Variants in DPF3 observed in about 807,000 individuals in gnomAD.
DPF3 encodes double PHD fingers 3, also known as zinc finger protein DPF3.
Under a neutral mutation model 56.8 loss-of-function variants are expected in DPF3, and 18 were observed. The ratio of observed to expected loss-of-function variants is 0.32; its 90% CI spans 0.22 to 0.47. The LOEUF is 0.47. DPF3 is among the 20% of genes least tolerant of loss of function. The pLI is 1.00. For missense variants in DPF3, 403 were observed against 488.8 expected (o/e 0.82, Z 1.65); for synonymous variants, 188 against 180.2 (o/e 1.04, Z -0.35).
intron 1 of DPF3, among the ~76,000 whole-genome samples, chr14:72,884,242 C>T (rs886844877): frequency 2.0e-5 from 3 of 152,202 alleles, no homozygotes; most frequent in Admixed American, 6.5e-5. Flanking sequence ...TTATTTCAAA[C>T]CCAGACAATA....
chr14:72,772,818 C>T (rs1412640524), intron 1 of DPF3, among the ~76,000 whole-genome samples: 2 of 152,202 alleles, frequency 1.3e-5, no homozygotes, highest in East Asian at 1.9e-4. Context: ...TTAATAAATG[C>T]CTCAAAGAAA....
intron 3 of DPF3, among the ~76,000 whole-genome samples, chr14:72,747,641 A>C (rs1890380786): frequency 6.6e-6 from 1 of 151,840 alleles, no homozygotes; most frequent in African/African-American, 2.4e-5. Flanking sequence ...AAAAAAAAAA[A>C]ATAGCTAGGT....
chr14:72,749,999 C>T (rs1890500387), intron 3 of DPF3, among the ~76,000 whole-genome samples: 1 of 152,108 alleles, frequency 6.6e-6, no homozygotes, highest in Non-Finnish European at 1.5e-5. Flanking sequence ...GGTACATGAG[C>T]CAACTTTCCT....
At chr14:72,729,637 C>A (rs1889552683) in intron 4 of DPF3, among the ~76,000 whole-genome samples, 1 of 152,096 alleles carries the variant, frequency 6.6e-6, no homozygotes, top group Non-Finnish European at 1.5e-5. Context: ...CATGAAGGAA[C>A]CTTAAATGAA....
chr14:72,640,143 A>T (rs2153567745), intron 8 of DPF3, among the ~76,000 whole-genome samples: 1 of 151,530 alleles, frequency 6.6e-6, no homozygotes, highest in Middle Eastern at 3.4e-3. Context: ...CCACTCAGGC[A>T]AAGCAGAGTA....
chr14:72,671,478 T>A (rs750856715), intron 8 of DPF3: 7 of 1,221,976 alleles, frequency 5.7e-6, no homozygotes, highest in Admixed American at 1.7e-5. Flanking sequence ...ACCCGGTGCA[T>A]CACCTGGTGA....
At chr14:72,741,949 G>A (rs554785250) in intron 3 of DPF3, among the ~76,000 whole-genome samples, 3 of 152,180 alleles carry the variant, frequency 2.0e-5, no homozygotes, top group Admixed American at 2.0e-4. Context: ...CCACCTCCTC[G>A]GCCAGCCCAA....
At chr14:72,773,784 G>A in intron 1 of DPF3, 2 of 453,970 alleles carry the variant, frequency 4.4e-6, no homozygotes, top group South Asian at 1.6e-5. Flanking sequence ...CTATATTATA[G>A]CATATGTCAG....
chr14:72,791,836 C>G (rs1380268743), intron 1 of DPF3, among the ~76,000 whole-genome samples: 1 of 152,184 alleles, frequency 6.6e-6, no homozygotes, highest in Non-Finnish European at 1.5e-5. Flanking sequence ...GGCCTTAATT[C>G]CCCACCAGTA....
intron 9 of DPF3, among the ~76,000 whole-genome samples, chr14:72,623,094 T>G (rs1284252341): frequency 6.6e-6 from 1 of 152,216 alleles, no homozygotes; most frequent in Non-Finnish European, 1.5e-5. Context: ...TGTTACCATT[T>G]TTCATGGATT....
intron 8 of DPF3, chr14:72,671,459 A>C: frequency 5.9e-6 from 8 of 1,346,426 alleles, no homozygotes; most frequent in Non-Finnish European, 7.4e-6. Flanking sequence ...TTGCACACCA[A>C]AGGGATTAAC....
intron 3 of DPF3, among the ~76,000 whole-genome samples, chr14:72,743,361 G>T (rs1890204481): frequency 6.6e-6 from 1 of 152,026 alleles, no homozygotes; most frequent in Non-Finnish European, 1.5e-5. Flanking sequence ...GCTCCAGCAG[G>T]CTCCCCATAG....
In DPF3 at chr14:72,894,063, A is replaced by T; in HGVS notation, c.26T>A (p.Leu9Gln). The change falls in exon 1 of 11, where the codon CTG becomes CAG. Residue 9 changes from leucine to glutamine, a missense_variant. By Grantham distance (113) the Leu-to-Gln change is moderately radical. Coordinates refer to ENST00000556509, the MANE Select transcript of DPF3 (RefSeq NM_001280542.3). MATVIHNP[L>Q]KALGDQFYKE... ...ATTTTTTAGTCTTACTTACGCTTTC[A>T]GGGGGTTGTGAATGACAGTCGCCAT... The T allele has an allele frequency of 6.2e-7, 1 of 1,610,162 alleles. No individual in the cohort carries two copies. Among genetic ancestry groups the T allele is most frequent in the Non-Finnish European group, 8.5e-7 (1 of 1,178,612 alleles).
intron 9 of DPF3, among the ~76,000 whole-genome samples, chr14:72,623,052 A>C (rs542795762): frequency 2.6e-4 from 39 of 152,386 alleles, no homozygotes; most frequent in African/African-American, 9.1e-4. Context: ...ATATTCAGAG[A>C]AAACAAGCAA....
intron 1 of DPF3, among the ~76,000 whole-genome samples, chr14:72,880,941 G>A (rs1182176376): frequency 6.6e-6 from 1 of 152,248 alleles, no homozygotes; most frequent in African/African-American, 2.4e-5. Flanking sequence ...CAGTGGAGAA[G>A]GCAGCCTCCA....
chr14:72,754,271 G>A (rs1791650838), intron 2 of DPF3, among the ~76,000 whole-genome samples: 2 of 152,142 alleles, frequency 1.3e-5, no homozygotes, highest in Non-Finnish European at 2.9e-5. Context: ...ATTTGAGACT[G>A]GCTAGGTAAT....
chr14:72,774,769 C>T (rs1243893370), intron 1 of DPF3, among the ~76,000 whole-genome samples: 1 of 152,174 alleles, frequency 6.6e-6, no homozygotes, highest in East Asian at 1.9e-4. Flanking sequence ...AATAGTCACG[C>T]AGCTGGAAAT....
chr14:72,650,186 GCTC>G lies in DPF3; in HGVS notation c.872-20453_872-20451del, dbSNP rs1227059150. 3.4e-4 allele frequency among the ~76,000 whole-genome samples: 52 copies of G among 152,314 alleles called. 1 individual carries two copies. In the East Asian group the frequency reaches 9.8e-3, roughly 29 times the overall value. On this transcript the variant is annotated intron_variant, in intron 8 of 10. Transcript: ENST00000556509. The stretch of plus-strand genomic sequence containing the variant: ...GATGGCCTGGGGATGAGGGGGGACT[GCTC>G]ATTAGCTACCCAGCCGTGGTAGCTA...
chr14:72,819,040 C>T (rs1235367743), intron 1 of DPF3, among the ~76,000 whole-genome samples: 1 of 152,114 alleles, frequency 6.6e-6, no homozygotes, highest in Non-Finnish European at 1.5e-5. Flanking sequence ...AACAACACAA[C>T]AAAAGATTTG....
Sources: allele counts gnomAD v4.1 joint callset (sites outside exome capture counted in the v4.1 genomes callset), GRCh38; gene constraint gnomAD v4.1.1; transcripts MANE v1.5; gene names NCBI Gene and HGNC (gene_info 2026-07-23, HGNC 2026-07-21).